Variants in ZSWIM6 observed in about 807,000 individuals in gnomAD.
ZSWIM6 encodes zinc finger SWIM domain-containing protein 6.
ZSWIM6 carries 9 observed loss-of-function variants against 113.2 expected under a neutral mutation model. The ratio of observed to expected loss-of-function variants is 0.08; its 90% confidence interval spans 0.05 to 0.14. ZSWIM6 has a LOEUF of 0.14. Ranked by LOEUF, ZSWIM6 falls within the 10% of genes least tolerant of loss-of-function variation. The pLI is 1.00. For synonymous variants in ZSWIM6, 611 were observed against 606.5 expected (o/e 1.01, Z -0.11); for missense variants, 1,162 against 1,552.2 (o/e 0.75, Z 4.22).
At chr5:61,337,245 C>G (rs1744419430) in intron 1 of ZSWIM6, among the ~76,000 whole-genome samples, 1 of 151,992 alleles carries the variant, frequency 6.6e-6, no homozygotes. Context: ...CACCACTGCG[C>G]TTCAGCCTGG....
At chr5:61,386,660 A>G (rs1745597494) in intron 1 of ZSWIM6, among the ~76,000 whole-genome samples, 1 of 152,240 alleles carries the variant, frequency 6.6e-6, no homozygotes, top group South Asian at 2.1e-4. Flanking sequence ...GGGCTTTGAC[A>G]AAGTGAACAA....
intron 1 of ZSWIM6, among the ~76,000 whole-genome samples, chr5:61,381,830 T>G (rs1327903757): frequency 6.6e-6 from 1 of 152,230 alleles, no homozygotes; most frequent in African/African-American, 2.4e-5. Context: ...TAGTAGTTTT[T>G]TGTGTGGATA....
intron 1 of ZSWIM6, among the ~76,000 whole-genome samples, chr5:61,357,569 G>C (rs1744941186): frequency 6.6e-6 from 1 of 151,468 alleles, no homozygotes; most frequent in Non-Finnish European, 1.5e-5. Context: ...AGAAAAGCCA[G>C]CTGATCTAGT....
chr5:61,468,015 G>T (rs1747475983), intron 1 of ZSWIM6, among the ~76,000 whole-genome samples: 1 of 152,184 alleles, frequency 6.6e-6, no homozygotes, highest in African/African-American at 2.4e-5. Context: ...CAGCTGGGAA[G>T]GGAAGGAAAG....
At chr5:61,488,489 G>A (rs910151967) in intron 2 of ZSWIM6, among the ~76,000 whole-genome samples, 16 of 151,868 alleles carry the variant, frequency 1.1e-4, no homozygotes, top group Admixed American at 2.6e-4. Flanking sequence ...TCTGATCCTG[G>A]GCTTTTCTTT....
chr5:61,375,120 G>A, intron 1 of ZSWIM6: 1 of 1,610,028 alleles, frequency 6.2e-7, no homozygotes, highest in Non-Finnish European at 8.5e-7. Context: ...CCATGGGGAA[G>A]CGGGACAATC....
intron 1 of ZSWIM6, among the ~76,000 whole-genome samples, chr5:61,401,774 A>G (rs1013155604): frequency 1.3e-5 from 2 of 152,208 alleles, no homozygotes; most frequent in African/African-American, 4.8e-5. Flanking sequence ...GCATCAACCT[A>G]TATGACCTTT....
intron 1 of ZSWIM6, among the ~76,000 whole-genome samples, chr5:61,396,480 G>A (rs866225355): frequency 2.7e-4 from 39 of 144,192 alleles, no homozygotes; most frequent in Admixed American, 2.2e-3. Flanking sequence ...GCAGTGAGCC[G>A]ACATCGCGCC....
At chr5:61,405,287 A>G (rs1308939185) in intron 1 of ZSWIM6, among the ~76,000 whole-genome samples, 3 of 152,268 alleles carry the variant, frequency 2.0e-5, no homozygotes, top group Admixed American at 1.3e-4. Context: ...CTTTGTTCAC[A>G]TAAGTGGAAT....
chr5:61,517,945 C>A (rs13158857), intron 4 of ZSWIM6, among the ~76,000 whole-genome samples: 2 of 103,134 alleles, frequency 1.9e-5, no homozygotes, highest in East Asian at 3.4e-4. Context: ...TCCCTCCCCC[C>A]ACCCCACAAC....
chr5:61,418,103 A>T (rs1013654100), intron 1 of ZSWIM6, among the ~76,000 whole-genome samples: 1 of 152,182 alleles, frequency 6.6e-6, no homozygotes, highest in African/African-American at 2.4e-5. Flanking sequence ...CAGTCCTTTT[A>T]TCAGCACCAA....
intron 1 of ZSWIM6, among the ~76,000 whole-genome samples, chr5:61,404,024 T>G (rs1561224370): frequency 6.6e-6 from 1 of 151,450 alleles, no homozygotes; most frequent in African/African-American, 2.4e-5. Flanking sequence ...TTTTTTTTTT[T>G]TGAGACGGAG....
At chr5:61,501,065 T>C (rs1478225583) in intron 4 of ZSWIM6, among the ~76,000 whole-genome samples, 2 of 152,174 alleles carry the variant, frequency 1.3e-5, no homozygotes, top group Non-Finnish European at 2.9e-5. Flanking sequence ...GTCAATTGTA[T>C]TGCTGAGAAG....
rs1224252342 is a variant in ZSWIM6 at position 61,490,929 on chromosome 5, G to A, written c.1177G>A (p.Ala393Thr). The A allele has an allele frequency of 6.5e-7, 1 of 1,533,164 alleles. No individual in the cohort carries two copies. Among genetic ancestry groups the A allele is most frequent in the Non-Finnish European group, 8.8e-7 (1 of 1,141,364 alleles). 95.0% of individuals were successfully genotyped at this position (1,533,164 alleles called of 1,614,324 possible). Residue 393 changes from alanine to threonine, a missense_variant, in exon 3 of 14, where the codon GCA becomes ACA. Ala to Thr is a moderately conservative substitution (Grantham distance 58, BLOSUM62 0). Transcript: ENST00000252744. ...AGGGAAGCAGCTTAATTTGCTCTTT[G>A]CAAAGGTATGATTGTCTATTTCTAA... is the stretch of plus-strand genomic sequence containing the variant. ...GSGKQLNLLF[A>T]KVREMLKMRD...
chr5:61,370,447 G>A (rs532011207), intron 1 of ZSWIM6, among the ~76,000 whole-genome samples: 6 of 152,186 alleles, frequency 3.9e-5, no homozygotes, highest in African/African-American at 7.2e-5. Flanking sequence ...TTTATATCTA[G>A]CTCTTTTTGG....
intron 4 of ZSWIM6, among the ~76,000 whole-genome samples, chr5:61,514,800 A>G (rs1330330791): frequency 3.3e-5 from 5 of 152,212 alleles, no homozygotes; most frequent in African/African-American, 9.6e-5. Flanking sequence ...TTTTACTTCT[A>G]TGCTCATGAG....
intron 1 of ZSWIM6, chr5:61,390,792 A>G (rs535025416): frequency 1.9e-4 from 150 of 792,150 alleles, no homozygotes; most frequent in East Asian, 1.4e-3. Flanking sequence ...CTTAAGGTCA[A>G]TCTTCTCCAG....
intron 4 of ZSWIM6, among the ~76,000 whole-genome samples, chr5:61,520,744 A>T (rs1379182196): frequency 6.6e-6 from 1 of 152,188 alleles, no homozygotes; most frequent in Non-Finnish European, 1.5e-5. Context: ...ATTTGTGTCC[A>T]CTATATGCCT....
At chr5:61,368,655 A>T (rs892901088) in intron 1 of ZSWIM6, among the ~76,000 whole-genome samples, 1 of 152,176 alleles carries the variant, frequency 6.6e-6, no homozygotes, top group African/African-American at 2.4e-5. Context: ...ATTTTCTATT[A>T]TGGGGTGTTA....
Sources: allele counts gnomAD v4.1 joint callset (sites outside exome capture counted in the v4.1 genomes callset), GRCh38; gene constraint gnomAD v4.1.1; transcripts MANE v1.5; gene names NCBI Gene and HGNC (gene_info 2026-07-23, HGNC 2026-07-21).